UBR4: variants seen among roughly 807,000 people sequenced by gnomAD.
UBR4 encodes E3 ubiquitin-protein ligase UBR4.
A neutral mutation model predicts 575.6 loss-of-function variants in UBR4; 124 were observed. The observed-to-expected ratio is 0.22, with a 90% CI of 0.19 to 0.25. The LOEUF (loss-of-function observed/expected upper bound fraction) is 0.25, where lower values mean the gene tolerates loss of function less well. UBR4 is among the 10% of genes least tolerant of loss of function. UBR4 has a pLI of 1.00. For synonymous variants in UBR4, 2,455 were observed against 2,473.7 expected, an observed-to-expected ratio of 0.99 and a Z score of 0.22; for missense variants, 4,818 against 6,478.8, an observed-to-expected ratio of 0.74 and a Z score of 8.80.
At chr1:19,133,825 T>G (rs1157518823) in intron 60 of UBR4, among the ~76,000 whole-genome samples, 4 of 151,790 alleles carry the variant, frequency 2.6e-5, no homozygotes, top group Admixed American at 2.0e-4. Context: ...ACACCTGTTA[T>G]CCCAGCACTT....
At chr1:19,085,006 C>T (rs2313508) in intron 101 of UBR4, among the ~76,000 whole-genome samples, 12,842 of 152,292 alleles carry the variant, frequency 0.084, 649 homozygotes, top group Non-Finnish European at 0.12. Context: ...ATGTGGAGTA[C>T]ATTTTGGAGG....
chr1:19,203,006 A>C (rs1250721144), intron 1 of UBR4, among the ~76,000 whole-genome samples: 1 of 151,924 alleles, frequency 6.6e-6, no homozygotes, highest in Non-Finnish European at 1.5e-5. Context: ...GCTTGAACCC[A>C]GAAGGTAGAG....
rs2088108193 is a variant in UBR4, at chr1:19,165,118, A to G, written c.4313-121T>C. ...CAAAGCAAGTTTTCAACTTCCTTCCAAACTTTCTCTGAGGGATTCTCTCCA... is the reference window on the plus strand; with the variant it reads ...CAAAGCAAGTTTTCAACTTCCTTCCGAACTTTCTCTGAGGGATTCTCTCCA... On this transcript the variant is annotated intron_variant, in intron 31 of 105. Transcript: ENST00000375254. 7 of 1,506,572 alleles carry G rather than the reference A, an allele frequency of 4.6e-6. No homozygotes were observed. The Admixed American group carries it at 1.1e-4, about 24-fold the overall frequency. 93.3% of individuals were successfully genotyped at this position (1,506,572 alleles called of 1,614,324 possible).
In UBR4 at chr1:19,168,076, G is replaced by T; in HGVS notation, c.3850C>A (p.Leu1284Met). ...ACCAGTGAGAGGAGGGTATGCTTCA[G>T]GGAAGCAGCCAGGGGCAGACTTTGG... ...CSQSLPLAAS[L>M]KHTLLSLVRL... The change falls in exon 28 of 106, where the codon CTG becomes ATG. Residue 1284 changes from leucine (L) to methionine (M), a missense_variant. Physicochemically the swap from Leu to Met is conservative, Grantham distance 15 (BLOSUM62 2). Transcript: ENST00000375254. 6.2e-7 allele frequency: 1 copy of T among 1,613,912 alleles called. No individual in the cohort carries two copies. Among genetic ancestry groups the T allele is most frequent in the Non-Finnish European group, 8.5e-7 (1 of 1,179,800 alleles).
chr1:19,194,443 G>A (rs1022429355), intron 8 of UBR4, among the ~76,000 whole-genome samples: 5 of 152,194 alleles, frequency 3.3e-5, no homozygotes, highest in South Asian at 2.1e-4. Context: ...AGTTATAATC[G>A]CTCCACTGCA....
chr1:19,186,215 G>A (rs2151283673), intron 14 of UBR4, among the ~76,000 whole-genome samples: 1 of 152,328 alleles, frequency 6.6e-6, no homozygotes, highest in South Asian at 2.1e-4. Flanking sequence ...GAGTTTCACT[G>A]AGAAAGCTTA....
chr1:19,084,440 A>T, intron 102 of UBR4, 64 bp downstream of exon 102: 1 of 1,503,196 alleles, frequency 6.7e-7, no homozygotes, highest in Non-Finnish European at 9.1e-7. Context: ...AGCTGAGGGG[A>T]TCTCGGGCAG....
At chr1:19,099,749 A>C in intron 89 of UBR4, 72 bp from the exon 90 acceptor site, 1 of 1,335,820 alleles carries the variant, frequency 7.5e-7, no homozygotes, top group Non-Finnish European at 1.1e-6. Context: ...AGCAAAGGGC[A>C]CCTTACGGCA....
intron 14 of UBR4, 30 bp downstream of exon 14, chr1:19,186,510 C>G: frequency 6.2e-7 from 1 of 1,600,836 alleles, no homozygotes. Context: ...TATAGCTTAT[C>G]TCTGGGAGAG....
rs371543302 is a variant in UBR4, at chr1:19,164,781, G to A, written c.4511+18C>T. On this transcript the variant is annotated intron_variant, in intron 32 of 105. Coordinates refer to ENST00000375254, the MANE Select transcript of UBR4 (RefSeq NM_020765.3). ...CTGGGGTTGCTAGGGAAACACGACA[G>A]AAATGTAGTTGTTCTACCTGTTTTC... 6.2e-7 allele frequency: 1 copy of A among 1,611,414 alleles called. No individual in the cohort carries two copies. The highest frequency in any genetic ancestry group is 1.3e-5 in the African/African-American group (1 of 74,912).
At chr1:19,146,563 T>C (rs891304971) in intron 52 of UBR4, among the ~76,000 whole-genome samples, 1 of 152,222 alleles carries the variant, frequency 6.6e-6, no homozygotes, top group East Asian at 1.9e-4. Context: ...TAAGAGGTAA[T>C]AACTTCAGAG....
chr1:19,089,061 A>C lies in UBR4; in HGVS notation c.14212-84T>G. 2 of 1,371,258 alleles carry C rather than the reference A, an allele frequency of 1.5e-6. No individual in the cohort carries two copies. Among genetic ancestry groups the C allele is most frequent in the Non-Finnish European group, 2.0e-6 (2 of 989,964 alleles). 84.9% of individuals were successfully genotyped at this position (1,371,258 alleles called of 1,614,324 possible). On this transcript the variant is annotated intron_variant, in intron 97 of 105. Coordinates refer to ENST00000375254, the MANE Select transcript of UBR4 (RefSeq NM_020765.3). The surrounding 1 kb of genome is among the most constrained non-coding windows in gnomAD (Gnocchi z 4.3). ...CGGGAGCTTAAAGGTTTAGAAACTCAACCAGCATGCACCATCTCATGTCAC... is the reference window on the plus strand; with the variant it reads ...CGGGAGCTTAAAGGTTTAGAAACTCCACCAGCATGCACCATCTCATGTCAC...
Position 19,100,846 on chromosome 1 carries a change from G to A in UBR4, c.13024-273C>T, listed in dbSNP as rs1474803832. Among the ~76,000 whole-genome samples, 1 of 151,906 alleles carries A rather than the reference G, an allele frequency of 6.6e-6. No individual in the cohort carries two copies. The highest frequency in any genetic ancestry group is 2.4e-5 in the African/African-American group (1 of 41,316). ...AGCAGACAAGGAGTGACATATGAGA[G>A]ATATATTAAAAAATCGGGGAAGGGG... On this transcript the variant is annotated intron_variant, in intron 88 of 105. Coordinates refer to ENST00000375254, the MANE Select transcript of UBR4 (RefSeq NM_020765.3). This position sits in a 1 kb window ranked among gnomAD's most constrained non-coding sequence, Gnocchi z 4.2.
chr1:19,123,995 G>A (rs1425811751), intron 65 of UBR4, among the ~76,000 whole-genome samples: 2 of 152,154 alleles, frequency 1.3e-5, no homozygotes, highest in Admixed American at 1.3e-4. Flanking sequence ...GAGGAAGAAG[G>A]GGCTTGCTTC....
rs895478500 is a variant in UBR4 at position 19,110,690 on chromosome 1, G to C, written c.11892+52C>G. 6 of 1,581,026 alleles carry C rather than the reference G, an allele frequency of 3.8e-6. No homozygotes were observed. Among genetic ancestry groups the C allele is most frequent in the Non-Finnish European group, 5.2e-6 (6 of 1,150,726 alleles). On this transcript the variant is annotated intron_variant, in intron 79 of 105. Transcript: ENST00000375254. This position sits in a 1 kb window ranked among gnomAD's most constrained non-coding sequence, Gnocchi z 4.5. ...TGGGAGGGGAAGCTGAGAAACACAAGGCATGTGAGGGGAAGTCAGAGAGGA... is the reference window on the plus strand; with the variant it reads ...TGGGAGGGGAAGCTGAGAAACACAACGCATGTGAGGGGAAGTCAGAGAGGA...
intron 49 of UBR4, among the ~76,000 whole-genome samples, chr1:19,150,065 C>T (rs1219031031): frequency 3.3e-5 from 5 of 152,124 alleles, no homozygotes; most frequent in Admixed American, 3.3e-4. Context: ...ACAAAGAAGC[C>T]AAGCACAATG....
chr1:19,128,824 G>A (rs981850876), intron 61 of UBR4, among the ~76,000 whole-genome samples, 154 bp downstream of exon 61: 2 of 152,134 alleles, frequency 1.3e-5, no homozygotes, highest in Admixed American at 1.3e-4. Context: ...TTTATAAAAT[G>A]AAGAGCTATA....
chr1:19,130,544 G>A (rs146869753), intron 60 of UBR4, among the ~76,000 whole-genome samples: 158 of 152,206 alleles, frequency 1.0e-3, no homozygotes, highest in African/African-American at 3.3e-3. Flanking sequence ...AAGAAAGTAC[G>A]GGGTCTTACG....
chr1:19,127,063 CT>C (rs927093271), intron 63 of UBR4, among the ~76,000 whole-genome samples: 1 of 152,192 alleles, frequency 6.6e-6, no homozygotes, highest in African/African-American at 2.4e-5. Flanking sequence ...ACCCCACCCC[CT>C]GTAGAGTCTT....
Sources: gnomAD v4.1 joint callset for allele counts (sites outside exome capture counted in the v4.1 genomes callset) on GRCh38, gnomAD v4.1.1 for gene constraint, Gnocchi (gnomAD v3.1) non-coding constraint, MANE v1.5 for transcripts, NCBI Gene and HGNC (gene_info 2026-07-23, HGNC 2026-07-21) for gene names.